NBAS: variants seen among roughly 807,000 people sequenced by gnomAD.
NBAS encodes the protein NBAS subunit of NRZ tethering complex.
NBAS carries 219 observed loss-of-function variants against 302.5 expected under a neutral mutation model. The ratio of observed to expected loss-of-function variants is 0.72; its 90% CI spans 0.65 to 0.81. The LOEUF is 0.81. Among genes scored for constraint, NBAS ranks in the 30% least tolerant of loss-of-function variants. NBAS has a pLI of 0.00. For missense variants in NBAS, 2,932 were observed against 2,841.6 expected (o/e 1.03, Z -0.72); for synonymous variants, 1,118 against 1,021.6 (o/e 1.09, Z -1.80).
At chr2:15,507,391 C>T (rs2148641752) in intron 10 of NBAS, among the ~76,000 whole-genome samples, 1 of 139,570 alleles carries the variant, frequency 7.2e-6, no homozygotes, top group South Asian at 2.3e-4. Flanking sequence ...CCACAACAAG[C>T]TTCTATATTG....
chr2:14,814,876 C>G, the NBAS span, among the ~76,000 whole-genome samples: 1 of 152,096 alleles, frequency 6.6e-6, no homozygotes, highest in East Asian at 1.9e-4. Flanking sequence ...ACCTAGTAGG[C>G]GGTGATCAAA....
At chr2:15,211,489 C>T (rs1666408441) in intron 48 of NBAS, among the ~76,000 whole-genome samples, 1 of 152,182 alleles carries the variant, frequency 6.6e-6, no homozygotes, top group Non-Finnish European at 1.5e-5. Context: ...TTGTAAATCT[C>T]AAATTTCCAA....
the NBAS span, among the ~76,000 whole-genome samples, chr2:15,093,292 G>A: frequency 2.4e-4 from 37 of 152,086 alleles, no homozygotes; most frequent in Non-Finnish European, 3.7e-4. Flanking sequence ...GGCACGTGCC[G>A]GTAATCTCAG....
chr2:15,143,554 G>T, the NBAS span, among the ~76,000 whole-genome samples: 41 of 152,094 alleles, frequency 2.7e-4, no homozygotes, highest in African/African-American at 8.7e-4. Context: ...CACGGGCTTC[G>T]TCCTGCCCTT....
chr2:14,848,043 A>T, the NBAS span, among the ~76,000 whole-genome samples: 1 of 152,228 alleles, frequency 6.6e-6, no homozygotes, highest in African/African-American at 2.4e-5. Context: ...TATGTCAATG[A>T]AGAAATTAAG....
chr2:15,254,931 C>T (rs956646521), intron 44 of NBAS, among the ~76,000 whole-genome samples: 6 of 151,956 alleles, frequency 3.9e-5, no homozygotes, highest in Admixed American at 6.6e-5. Flanking sequence ...TGTGTGCACA[C>T]GTGTACCTCA....
intron 44 of NBAS, among the ~76,000 whole-genome samples, chr2:15,248,046 A>C (rs1237364252): frequency 1.3e-5 from 2 of 152,196 alleles, no homozygotes; most frequent in African/African-American, 2.4e-5. Context: ...TGACCACATA[A>C]TTGGAAGTAA....
chr2:14,994,333 T>C, the NBAS span, among the ~76,000 whole-genome samples: 7 of 152,164 alleles, frequency 4.6e-5, no homozygotes, highest in African/African-American at 1.7e-4. Flanking sequence ...GTAGTGGGAA[T>C]AGAAAGATGA....
At chr2:15,527,540 G>A (rs933961839) in intron 9 of NBAS, among the ~76,000 whole-genome samples, 1 of 152,158 alleles carries the variant, frequency 6.6e-6, no homozygotes, top group African/African-American at 2.4e-5. Flanking sequence ...GGAACACTGT[G>A]CCCTCACATG....
Position 15,385,812 on chromosome 2 carries a change from T to C in NBAS, c.3258-2495A>G, listed in dbSNP as rs1008009217. Among the ~76,000 whole-genome samples the C allele has an allele frequency of 7.5e-4, 114 of 152,196 alleles. 1 individual carries two copies. The highest frequency in any genetic ancestry group is 8.8e-5 in the Non-Finnish European group (6 of 68,046). On this transcript the variant is annotated intron_variant, in intron 28 of 51. Coordinates refer to ENST00000281513, the MANE Select transcript of NBAS (RefSeq NM_015909.4). ...CTGTGAAAACAGGCATCACATTCTCTTACATATTCACAGTAAATAGATTAC... is the reference window on the plus strand; with the variant it reads ...CTGTGAAAACAGGCATCACATTCTCCTACATATTCACAGTAAATAGATTAC...
At chr2:15,009,721 C>G in the NBAS span, among the ~76,000 whole-genome samples, 1 of 78,590 alleles carries the variant, frequency 1.3e-5, no homozygotes, top group Non-Finnish European at 3.3e-5. Flanking sequence ...TATATATATA[C>G]GGTGCATATG....
At chr2:15,090,369 T>C in the NBAS span, among the ~76,000 whole-genome samples, 15 of 152,298 alleles carry the variant, frequency 9.8e-5, no homozygotes, top group South Asian at 2.5e-3. Context: ...TAAATAACCT[T>C]GACATAAGAC....
intron 44 of NBAS, among the ~76,000 whole-genome samples, chr2:15,258,573 G>C (rs978095719): frequency 3.3e-5 from 5 of 152,124 alleles, no homozygotes; most frequent in African/African-American, 1.2e-4. Flanking sequence ...CTACGCGGTT[G>C]AGATAAGGAC....
chr2:15,339,767 A>G (rs1305196486), intron 35 of NBAS, among the ~76,000 whole-genome samples: 1 of 152,190 alleles, frequency 6.6e-6, no homozygotes, highest in Non-Finnish European at 1.5e-5. Context: ...AGCAGGGAAG[A>G]TCTCCATGAA....
rs114760224 is a variant in NBAS, at chr2:15,334,860, T to C, written c.4180-4095A>G. On this transcript the variant is annotated intron_variant, in intron 35 of 51. Transcript: ENST00000281513. The stretch of plus-strand genomic sequence containing the variant: ...TAACAAGCCCTTAGGCAAAGAAACA[T>C]AACACCACCAGAATCCTAGAAGCTC... Among the ~76,000 whole-genome samples the C allele has an allele frequency of 5.3e-3, 803 of 152,290 alleles. 5 individuals are homozygous for C. The highest frequency in any genetic ancestry group is 0.018 in the African/African-American group (743 of 41,570).
intron 41 of NBAS, among the ~76,000 whole-genome samples, chr2:15,287,729 C>A (rs1447242546): frequency 6.6e-6 from 1 of 151,560 alleles, no homozygotes; most frequent in Non-Finnish European, 1.5e-5. Context: ...CCAGGAATCC[C>A]CAGGTAGGCA....
intron 35 of NBAS, among the ~76,000 whole-genome samples, chr2:15,334,932 T>A (rs1672510136): frequency 6.6e-6 from 1 of 152,232 alleles, no homozygotes; most frequent in Non-Finnish European, 1.5e-5. Flanking sequence ...ACAAACACTA[T>A]CCTGACTTGC....
the NBAS span, among the ~76,000 whole-genome samples, chr2:15,018,278 A>G: frequency 6.6e-6 from 1 of 152,064 alleles, no homozygotes; most frequent in African/African-American, 2.4e-5. Context: ...GTTTTAAATA[A>G]CTAGAAGGAG....
At chr2:15,041,457 G>A in the NBAS span, among the ~76,000 whole-genome samples, 1 of 152,270 alleles carries the variant, frequency 6.6e-6, no homozygotes, top group Non-Finnish European at 1.5e-5. Flanking sequence ...GGGAGTGCCT[G>A]AAGGATGAAG....
Sources: allele counts gnomAD v4.1 joint callset (sites outside exome capture counted in the v4.1 genomes callset), GRCh38; gene constraint gnomAD v4.1.1; transcripts MANE v1.5; gene names NCBI Gene and HGNC (gene_info 2026-07-23, HGNC 2026-07-21).